The following FOSL2 variants were observed in gnomAD, a reference collection of about 807,000 sequenced individuals.
FOSL2 encodes the protein fos-related antigen 2.
A neutral mutation model predicts 27.7 loss-of-function variants in FOSL2; 3 were observed. The observed-to-expected ratio is 0.11, with a 90% confidence interval of 0.05 to 0.28. The LOEUF (loss-of-function observed/expected upper bound fraction) is 0.28. Among genes scored for constraint, FOSL2 ranks in the 10% least tolerant of loss-of-function variants. The pLI, the probability that FOSL2 is intolerant of heterozygous loss-of-function variation, is 1.00. For missense variants in FOSL2, 333 were observed against 445.1 expected, an observed-to-expected ratio of 0.75 and a Z score of 2.27; for synonymous variants, 179 against 190.1, an observed-to-expected ratio of 0.94 and a Z score of 0.48.
chr2:28,397,085 C>G (rs1307589559), intron 1 of FOSL2: 1 of 152,132 alleles, frequency 6.6e-6, no homozygotes, highest in African/African-American at 2.4e-5. Flanking sequence ...ATAAATGCCA[C>G]ATATTTAACC....
At position 28,394,142 on chromosome 2, in the gene FOSL2, C is replaced by G. The variant is rs1239522117; in HGVS notation, c.102+320C>G. On this transcript the variant is annotated intron_variant, in intron 1 of 3. Transcript: ENST00000264716. The stretch of plus-strand genomic sequence containing the variant: ...ACTCCCCCTCCCCAGTGTCTGCCCC[C>G]CCCCCCCCACCCCTGCCCCGCGTCT... Among the ~76,000 whole-genome samples the G allele has an allele frequency of 3.1e-5, 4 of 127,854 alleles. No individual in the cohort carries two copies. The East Asian group carries it at 6.8e-4, about 22-fold the overall frequency. 83.9% of individuals were successfully genotyped at this position (127,854 alleles called of 152,430 possible). A position where few individuals can be genotyped will look rare whatever the true frequency, so the allele number is the denominator to read the frequency against.
intron 1 of FOSL2, among the ~76,000 whole-genome samples, chr2:28,399,336 CT>C (rs1362341693): frequency 1.3e-5 from 2 of 152,190 alleles, no homozygotes; most frequent in South Asian, 2.1e-4. Flanking sequence ...GTTCCAATAC[CT>C]GTCAGCAAAA....
intron 2 of FOSL2, among the ~76,000 whole-genome samples, chr2:28,405,387 G>A (rs939001276): frequency 5.9e-5 from 9 of 152,302 alleles, no homozygotes; most frequent in African/African-American, 1.9e-4. Context: ...GCCCAGGGAA[G>A]GGAAAAATAC....
chr2:28,402,313 C>G (rs533729212), intron 1 of FOSL2, among the ~76,000 whole-genome samples: 3 of 152,272 alleles, frequency 2.0e-5, no homozygotes, highest in Non-Finnish European at 2.9e-5. Context: ...GGGCAGCTCT[C>G]TTCACTGAAG....
rs1180678651 is a variant in FOSL2, at chr2:28,412,508, A to T, written c.*60A>T. The T allele has an allele frequency of 6.4e-7, 1 of 1,558,280 alleles. No individual in the cohort carries two copies. Among genetic ancestry groups the T allele is most frequent in the East Asian group, 2.2e-5 (1 of 44,472 alleles). On this transcript the variant is annotated 3_prime_UTR_variant, in exon 4 of 4. Transcript: ENST00000264716. This position sits in a 1 kb window ranked among gnomAD's most constrained non-coding sequence, Gnocchi z 7.1. ...TCCTCCTCGCTCCTCCTTCCCAGGG[A>T]CCAGCACCTTCAAGCGCTCCAGGGC...
intron 1 of FOSL2, among the ~76,000 whole-genome samples, chr2:28,400,775 C>T (rs1360003813): frequency 1.3e-5 from 2 of 152,208 alleles, no homozygotes; most frequent in African/African-American, 4.8e-5. Context: ...GCACACACCA[C>T]GGACCTGCCC....
intron 3 of FOSL2, among the ~76,000 whole-genome samples, chr2:28,409,500 C>G (rs1418266288): frequency 6.6e-6 from 1 of 152,192 alleles, no homozygotes; most frequent in East Asian, 1.9e-4. Context: ...TTGCCCAGAC[C>G]TGGGGACCCG....
chr2:28,401,236 T>G (rs1362890666), intron 1 of FOSL2, among the ~76,000 whole-genome samples: 2 of 124,446 alleles, frequency 1.6e-5, no homozygotes, highest in Admixed American at 7.6e-5. Context: ...TCCTTGGGGG[T>G]TTAAAAAAAA....
rs755475070 is a variant in FOSL2, at chr2:28,404,763, G to A, written c.354+405G>A. 3.9e-5 allele frequency among the ~76,000 whole-genome samples: 6 copies of A among 152,278 alleles called. No individual in the cohort carries two copies. The highest frequency in any genetic ancestry group is 7.3e-5 in the Non-Finnish European group (5 of 68,030). Reference sequence around the variant, plus strand: ...AGCTTTTTAGGATTATCCCTTAGCCGTCTCCCAGGGTCTAGTGCAGGCCAG... The same window carrying A: ...AGCTTTTTAGGATTATCCCTTAGCCATCTCCCAGGGTCTAGTGCAGGCCAG... On this transcript the variant is annotated intron_variant, in intron 2 of 3. Transcript: ENST00000264716. This position sits in a 1 kb window ranked among gnomAD's most constrained non-coding sequence, Gnocchi z 4.7.
chr2:28,394,177 G>A (rs1202352903), intron 1 of FOSL2, among the ~76,000 whole-genome samples: 10 of 144,474 alleles, frequency 6.9e-5, no homozygotes. Context: ...TTCTCTCTGG[G>A]TGGTGGACAG....
At position 28,404,779 on chromosome 2, in the gene FOSL2, T is replaced by A. The variant is rs1402113555; in HGVS notation, c.354+421T>A. ...CCCTTAGCCGTCTCCCAGGGTCTAG[T>A]GCAGGCCAGGCACCCAGCAGACCTA... On this transcript the variant is annotated intron_variant, in intron 2 of 3. Transcript: ENST00000264716. This position sits in a 1 kb window ranked among gnomAD's most constrained non-coding sequence, Gnocchi z 4.7. 6.6e-6 allele frequency among the ~76,000 whole-genome samples: 1 copy of A among 152,202 alleles called. No homozygotes were observed. Among genetic ancestry groups the A allele is most frequent in the African/African-American group, 2.4e-5 (1 of 41,458 alleles).
rs554048274 is a variant in FOSL2, at chr2:28,397,877, G to A, written c.102+4055G>A. ...CTAACAAATCTTTGTCCTTTGAAGG[G>A]TGAATTTGATATTTGGAAATTACCA... On this transcript the variant is annotated intron_variant, in intron 1 of 3. Coordinates refer to ENST00000264716, the MANE Select transcript of FOSL2 (RefSeq NM_005253.4). Among the ~76,000 whole-genome samples the A allele has an allele frequency of 6.6e-5, 10 of 152,286 alleles. No individual in the cohort carries two copies. In the South Asian group the frequency reaches 1.2e-3, roughly 19 times the overall value.
rs1216680226 is a variant in FOSL2 at position 28,404,221 on chromosome 2, T to A, written c.217T>A (p.Ser73Thr). The A allele has an allele frequency of 6.2e-7, 1 of 1,614,140 alleles. No homozygotes were observed. Among genetic ancestry groups the A allele is most frequent in the Admixed American group, 1.7e-5 (1 of 60,024 alleles). The change falls in exon 2 of 4, where the codon TCC becomes ACC. Residue 73 changes from serine (S) to threonine (T), a missense_variant. Ser to Thr is a moderately conservative substitution (Grantham distance 58). Around this residue, in one of 4 missense-constraint regions of FOSL2, gnomAD observed 131 missense variants for 157.9 expected, o/e 0.83. Transcript: ENST00000264716. The surrounding 1 kb of genome is among the most constrained non-coding windows in gnomAD (Gnocchi z 4.7). The part of the protein sequence containing the change: ...MVQPTVITSM[S>T]NPYPRSHPYS... ...GCAGCCCACAGTGATCACCTCCATG[T>A]CCAACCCATACCCTCGCTCGCACCC... is the stretch of plus-strand genomic sequence containing the variant.
rs983819930 is a variant in FOSL2, at chr2:28,392,944, G to A, written c.-777G>A. 12 of 703,372 alleles carry A rather than the reference G, an allele frequency of 1.7e-5. No individual in the cohort carries two copies. The East Asian group carries it at 3.3e-4, about 19-fold the overall frequency. The allele number at this position is 703,372 out of a possible 1,614,324, so 43.6% of individuals were successfully genotyped here. A position where few individuals can be genotyped will look rare whatever the true frequency, so the allele number is the denominator to read the frequency against. On this transcript the variant is annotated 5_prime_UTR_variant, in exon 1 of 4. Coordinates refer to ENST00000264716, the MANE Select transcript of FOSL2 (RefSeq NM_005253.4). ...GCGGCGCTCGGCGGGGACAGAAAGAGGGAGAGAGAGAGAGAGAGAGAGGGA... is the reference window on the plus strand; with the variant it reads ...GCGGCGCTCGGCGGGGACAGAAAGAAGGAGAGAGAGAGAGAGAGAGAGGGA...
At position 28,399,385 on chromosome 2, in the gene FOSL2, A is replaced by G. The variant is rs575358914; in HGVS notation, c.103-4722A>G. Among the ~76,000 whole-genome samples, 18 of 152,324 alleles carry G rather than the reference A, an allele frequency of 1.2e-4. No individual in the cohort carries two copies. The East Asian group carries it at 3.5e-3, about 29-fold the overall frequency. ...ATAGCTGAAGCCAAGGCTCCAGTAT[A>G]GAGTCTCAGGAGGCAGTTTTCCCAA... On this transcript the variant is annotated intron_variant, in intron 1 of 3. Coordinates refer to ENST00000264716, the MANE Select transcript of FOSL2 (RefSeq NM_005253.4).
intron 1 of FOSL2, among the ~76,000 whole-genome samples, chr2:28,394,137 G>GCCCCCCCCCCCCC: frequency 1.2e-5 from 1 of 80,862 alleles, no homozygotes; most frequent in African/African-American, 4.9e-5. Context: ...CCCAGTGTCT[G>GCCCCCCCCCCCCC]CCCCCCCCCC....
intron 1 of FOSL2, among the ~76,000 whole-genome samples, chr2:28,395,356 C>A (rs144911198): frequency 0.017 from 2,536 of 152,320 alleles, 25 homozygotes; most frequent in Non-Finnish European, 0.024. Flanking sequence ...CTTTTGATTT[C>A]TTCTCTGTTC....
rs985627690 is a variant in FOSL2, at chr2:28,415,754, T to G, written c.*3306T>G. 2 of 152,206 alleles carry G rather than the reference T, an allele frequency of 1.3e-5. No homozygotes were observed. Among genetic ancestry groups the G allele is most frequent in the African/African-American group, 4.8e-5 (2 of 41,432 alleles). The allele number at this position is 152,206 out of a possible 1,614,324, so 9.4% of individuals were successfully genotyped here. A position where few individuals can be genotyped will look rare whatever the true frequency, so the allele number is the denominator to read the frequency against. ...ATATAGATCCTCGTTAGGATGAGAC[T>G]AAGGGATGAGGACATCTCTTTATAA... On this transcript the variant is annotated 3_prime_UTR_variant, in exon 4 of 4. Coordinates refer to ENST00000264716, the MANE Select transcript of FOSL2 (RefSeq NM_005253.4).
At position 28,404,090 on chromosome 2, in the gene FOSL2, T is replaced by TG; in HGVS notation, c.103-17_103-16insG. On this transcript the variant is annotated splice_polypyrimidine_tract_variant and intron_variant, in intron 1 of 3. Coordinates refer to ENST00000264716, the MANE Select transcript of FOSL2 (RefSeq NM_005253.4). The surrounding 1 kb of genome is among the most constrained non-coding windows in gnomAD (Gnocchi z 4.7). ...TAGTATTTATTGGCTCATTTGTATT[T>TG]TTTTTCCTCATTTCAGAAATTCCGG... is the stretch of plus-strand genomic sequence containing the variant. 6.2e-7 allele frequency: 1 copy of TG among 1,613,872 alleles called. No individual in the cohort carries two copies. Among genetic ancestry groups the TG allele is most frequent in the Non-Finnish European group, 8.5e-7 (1 of 1,179,784 alleles).
Sources: allele counts gnomAD v4.1 joint callset (sites outside exome capture counted in the v4.1 genomes callset), GRCh38; gene constraint gnomAD v4.1.1; regional missense constraint gnomAD v4.1.1; non-coding constraint Gnocchi (gnomAD v3.1); transcripts MANE v1.5; gene names NCBI Gene and HGNC (gene_info 2026-07-23, HGNC 2026-07-21).